Variants in LIMS1 observed in about 807,000 individuals in gnomAD.
The protein encoded by LIMS1 is LIM zinc finger domain containing 1.
Under a neutral mutation model 44.1 loss-of-function variants are expected in LIMS1, and 18 were observed. That is an observed-to-expected ratio of 0.41 (90% CI 0.28 to 0.61). LIMS1 has a LOEUF of 0.61. Among genes scored for constraint, LIMS1 ranks in the 20% least tolerant of loss-of-function variants. LIMS1 has a pLI of 0.32. For synonymous variants in LIMS1, 93 were observed against 149.1 expected (o/e 0.62, Z 2.74); for missense variants, 201 against 422.0 (o/e 0.48, Z 4.59).
At chr2:108,565,345 G>T (rs1370037217) in intron 1 of LIMS1, among the ~76,000 whole-genome samples, 1 of 152,142 alleles carries the variant, frequency 6.6e-6, no homozygotes, top group Non-Finnish European at 1.5e-5. Context: ...AAATTTGGGA[G>T]GCACATAATT....
intron 1 of LIMS1, among the ~76,000 whole-genome samples, chr2:108,593,964 G>C (rs1686537246): frequency 1.3e-5 from 2 of 152,168 alleles, no homozygotes; most frequent in South Asian, 4.1e-4. Flanking sequence ...ATGCACTTGA[G>C]GGGAAGGAAG....
intron 1 of LIMS1, among the ~76,000 whole-genome samples, chr2:108,642,353 T>TG (rs202061812): frequency 0.033 from 346 of 10,572 alleles, 14 homozygotes; most frequent in African/African-American, 0.05. Context: ...TTTTTTTTTT[T>TG]TTTTGTTTTT....
At chr2:108,646,720 G>T (rs959838812) in intron 1 of LIMS1, among the ~76,000 whole-genome samples, 9 of 152,032 alleles carry the variant, frequency 5.9e-5, no homozygotes, top group Non-Finnish European at 1.2e-4. Flanking sequence ...ATTTTGTTTT[G>T]TTTTGAGACG....
chr2:108,561,701 A>G (rs188918661), intron 1 of LIMS1, among the ~76,000 whole-genome samples: 2 of 149,270 alleles, frequency 1.3e-5, no homozygotes, highest in Non-Finnish European at 3.0e-5. Flanking sequence ...CTTCTTTGTT[A>G]TGATTATATG....
chr2:108,647,445 T>C (rs575183419), intron 1 of LIMS1, among the ~76,000 whole-genome samples: 8 of 152,178 alleles, frequency 5.3e-5, no homozygotes, highest in African/African-American at 1.4e-4. Flanking sequence ...AAAAAGGGAC[T>C]CCTCCCTAAC....
chr2:108,622,204 C>CT (rs1688289143), intron 1 of LIMS1, among the ~76,000 whole-genome samples: 1 of 152,058 alleles, frequency 6.6e-6, no homozygotes, highest in South Asian at 2.1e-4. Flanking sequence ...GAGAGACTTC[C>CT]TTTTTTTAAA....
At chr2:108,650,487 G>A (rs1690400243) in intron 1 of LIMS1, among the ~76,000 whole-genome samples, 1 of 150,604 alleles carries the variant, frequency 6.6e-6, no homozygotes, top group East Asian at 2.0e-4. Context: ...GCACAATCTC[G>A]GCTCACTGCA....
intron 1 of LIMS1, among the ~76,000 whole-genome samples, chr2:108,612,053 C>CATAT (rs113417984): frequency 2.2e-5 from 2 of 89,310 alleles, no homozygotes; most frequent in Non-Finnish European, 4.2e-5. Flanking sequence ...CACACACACA[C>CATAT]ATATATATAT....
chr2:108,535,082 G>A (rs958749525), intron 1 of LIMS1, among the ~76,000 whole-genome samples: 1 of 152,134 alleles, frequency 6.6e-6, no homozygotes, highest in African/African-American at 2.4e-5. Context: ...ATGCAACATA[G>A]GGTTTTGCTA....
intron 1 of LIMS1, among the ~76,000 whole-genome samples, chr2:108,604,453 C>G (rs1382918530): frequency 6.6e-6 from 1 of 152,180 alleles, no homozygotes; most frequent in Non-Finnish European, 1.5e-5. Flanking sequence ...TTTGATGATT[C>G]GTGCCATAGA....
chr2:108,611,589 T>C (rs1687603926), intron 1 of LIMS1, among the ~76,000 whole-genome samples: 2 of 152,150 alleles, frequency 1.3e-5, no homozygotes, highest in East Asian at 3.9e-4. Flanking sequence ...ATCAAAAATA[T>C]TGGCTCTAGG....
intron 1 of LIMS1, among the ~76,000 whole-genome samples, chr2:108,536,931 T>C (rs1684162939): frequency 6.6e-6 from 1 of 152,194 alleles, no homozygotes; most frequent in East Asian, 1.9e-4. Flanking sequence ...CTGGGATAAA[T>C]GTCCAAGAGT....
intron 1 of LIMS1, among the ~76,000 whole-genome samples, chr2:108,566,860 G>A (rs994341786): frequency 6.6e-5 from 10 of 152,112 alleles, no homozygotes; most frequent in African/African-American, 1.9e-4. Flanking sequence ...GCCTTCCAAC[G>A]TGCTGGGATT....
intron 1 of LIMS1, among the ~76,000 whole-genome samples, chr2:108,622,264 T>C (rs1688292183): frequency 6.6e-6 from 1 of 152,204 alleles, no homozygotes; most frequent in Non-Finnish European, 1.5e-5. Flanking sequence ...TTTAAGTGTT[T>C]GAATATTCTG....
chr2:108,650,708 G>A (rs1690419883), intron 1 of LIMS1, among the ~76,000 whole-genome samples: 1 of 152,184 alleles, frequency 6.6e-6, no homozygotes, highest in African/African-American at 2.4e-5. Context: ...TTACAGGCGT[G>A]AGCCACTGCA....
intron 1 of LIMS1, among the ~76,000 whole-genome samples, chr2:108,609,484 A>G (rs933814872): frequency 2.0e-5 from 3 of 152,040 alleles, no homozygotes; most frequent in Admixed American, 6.6e-5. Context: ...CATTGCTCCT[A>G]CTGTTTCCAG....
At chr2:108,556,145 T>G (rs1320925508) in intron 1 of LIMS1, among the ~76,000 whole-genome samples, 1 of 152,190 alleles carries the variant, frequency 6.6e-6, no homozygotes, top group Non-Finnish European at 1.5e-5. Context: ...CTACTTTTTG[T>G]CTCTATGAAT....
At chr2:108,677,981 A>G (rs547908762) in exon 8 of LIMS1, 4 of 1,602,750 alleles carry the variant, frequency 2.5e-6, no homozygotes, top group African/African-American at 1.3e-5. Context: ...ATTTTCAGCT[A>G]TTTGGTGATG....
intron 1 of LIMS1, among the ~76,000 whole-genome samples, chr2:108,600,889 C>CATTCT (rs1686970776): frequency 4.9e-5 from 5 of 102,902 alleles, no homozygotes; most frequent in African/African-American, 2.1e-4. Context: ...TAGAATTGTT[C>CATTCT]GTTCTTCTCT....
Sources: allele counts gnomAD v4.1 joint callset (sites outside exome capture counted in the v4.1 genomes callset), GRCh38; gene constraint gnomAD v4.1.1; transcripts MANE v1.5; gene names NCBI Gene and HGNC (gene_info 2026-07-23, HGNC 2026-07-21).